The following INPPL1 variants were observed in gnomAD, a reference collection of about 807,000 sequenced individuals.
The protein encoded by INPPL1 is phosphatidylinositol 3,4,5-trisphosphate 5-phosphatase 2.
INPPL1 carries 91 observed loss-of-function variants against 139.3 expected under a neutral mutation model. That is an observed-to-expected ratio of 0.65 (90% CI 0.55 to 0.78). The LOEUF (loss-of-function observed/expected upper bound fraction) is 0.78, where lower values mean the gene tolerates loss of function less well. Among genes scored for constraint, INPPL1 ranks in the 30% least tolerant of loss-of-function variants. The pLI, the probability that INPPL1 is intolerant of heterozygous loss-of-function variation, is 0.00. For missense variants in INPPL1, 1,411 were observed against 1,665.6 expected (o/e 0.85, Z 2.66); for synonymous variants, 719 against 686.6 (o/e 1.05, Z -0.74).
At position 72,231,586 on chromosome 11, in the gene INPPL1, G is replaced by T; in HGVS notation, c.1586G>T (p.Ser529Ile). Residue 529 changes from serine to isoleucine, a missense_variant, in exon 13 of 28, where the codon AGT becomes ATT. By Grantham distance (142) the Ser-to-Ile change is moderately radical. Transcript: ENST00000298229. ...ENRISHVSTS[S>I]VKTGIANTLG... Reference sequence around the variant, plus strand: ...CGTATCAGCCATGTCAGTACGTCCAGTGTGAAGACTGGCATCGCCAACACC... The same window carrying T: ...CGTATCAGCCATGTCAGTACGTCCATTGTGAAGACTGGCATCGCCAACACC... The T allele has an allele frequency of 3.7e-6, 6 of 1,613,818 alleles. No individual in the cohort carries two copies. The highest frequency in any genetic ancestry group is 4.2e-6 in the Non-Finnish European group (5 of 1,179,966).
Position 72,229,942 on chromosome 11 carries a change from G to C in INPPL1, c.862G>C (p.Asp288His). The change falls in exon 8 of 28, where the codon GAC becomes CAC. Residue 288 changes from aspartate to histidine, a missense_variant. Physicochemically the swap from Asp to His is moderately conservative, Grantham distance 81. Around this residue, in one of 5 missense-constraint regions of INPPL1, gnomAD observed 504 missense variants for 595.6 expected, o/e 0.85. Transcript: ENST00000298229. ...IQKKALKALQ[D>H]MSSTAPPAPQ... ...CCTCCAGGCCCTGAAGGCCCTACAG[G>C]ACATGAGCTCCACAGCACCCCCAGC... 1.9e-6 allele frequency: 3 copies of C among 1,614,152 alleles called. No individual in the cohort carries two copies. The highest frequency in any genetic ancestry group is 2.5e-6 in the Non-Finnish European group (3 of 1,180,038).
rs1049902447 is a variant in INPPL1 at position 72,231,756 on chromosome 11, T to C, written c.1615+141T>C. On this transcript the variant is annotated intron_variant, in intron 13 of 27. Coordinates refer to ENST00000298229, the MANE Select transcript of INPPL1 (RefSeq NM_001567.4). ...GGTACTTTGAACTTTGAAAAACATATTCATATTCTAAATCTCTCCCAGCAC... is the reference window on the plus strand; with the variant it reads ...GGTACTTTGAACTTTGAAAAACATACTCATATTCTAAATCTCTCCCAGCAC... 16 of 673,540 alleles carry C rather than the reference T, an allele frequency of 2.4e-5. No homozygotes were observed. The East Asian group carries it at 3.6e-4, about 15-fold the overall frequency. 41.7% of individuals were successfully genotyped at this position (673,540 alleles called of 1,614,324 possible). A position where few individuals can be genotyped will look rare whatever the true frequency, so the allele number is the denominator to read the frequency against.
Position 72,225,010 on chromosome 11 carries a change from G to A in INPPL1, c.26G>A (p.Gly9Asp), listed in dbSNP as rs1239738293. The A allele has an allele frequency of 8.3e-7, 1 of 1,210,240 alleles. No homozygotes were observed. The highest frequency in any genetic ancestry group is 4.4e-5 in the Admixed American group (1 of 22,776). The allele number at this position is 1,210,240 out of a possible 1,614,324, so 75.0% of individuals were successfully genotyped here. A position where few individuals can be genotyped will look rare whatever the true frequency, so the allele number is the denominator to read the frequency against. Reference sequence around the variant, plus strand: ...ATGGCCTCGGCCTGCGGGGCGCCGGGCCCGGGGGGCGCCCTGGGCAGCCAG... The same window carrying A: ...ATGGCCTCGGCCTGCGGGGCGCCGGACCCGGGGGGCGCCCTGGGCAGCCAG... MASACGAP[G>D]PGGALGSQAP... The change falls in exon 1 of 28, where the codon GGC (glycine) becomes GAC (aspartate). Residue 9 changes from glycine to aspartate, a missense_variant. Around this residue, in one of 5 missense-constraint regions of INPPL1, gnomAD observed 504 missense variants for 595.6 expected, o/e 0.85. Transcript: ENST00000298229.
At chr11:72,231,655 C>G in intron 13 of INPPL1, 40 bp downstream of exon 13, 2 of 1,406,826 alleles carry the variant, frequency 1.4e-6, no homozygotes, top group Non-Finnish European at 2.0e-6. Context: ...GGCAGCGTCT[C>G]TCTGTCCATG....
chr11:72,226,354 T>C (rs1027697606), intron 1 of INPPL1, among the ~76,000 whole-genome samples: 2 of 152,084 alleles, frequency 1.3e-5, no homozygotes, highest in African/African-American at 4.8e-5. Context: ...CTAATTTTTG[T>C]ATTTTTAGTA....
Position 72,234,282 on chromosome 11 carries a change from G to T in INPPL1, c.2214G>T (p.Gly738=), listed in dbSNP as rs371183739. 1.4e-5 allele frequency: 22 copies of T among 1,610,772 alleles called. No individual in the cohort carries two copies. Among genetic ancestry groups the T allele is most frequent in the Non-Finnish European group, 1.9e-5 (22 of 1,177,280 alleles). ...TTGTTCTCCTCCCTTTCTCCTCAGG[G>T]CTCTCAAAGACTTCAGACCAGGCCT... ...GVTSQFISKK[G]LSKTSDQAYI... Residue 738 remains glycine, a splice_region_variant and synonymous_variant, in exon 20 of 28, where the codon GGG becomes GGT. Transcript: ENST00000298229. The surrounding 1 kb of genome is among the most constrained non-coding windows in gnomAD (Gnocchi z 4.2).
At position 72,235,964 on chromosome 11, in the gene INPPL1, C is replaced by T. The variant is rs755578014; in HGVS notation, c.2857C>T (p.Arg953Trp). Residue 953 changes from arginine to tryptophan, a missense_variant, in exon 25 of 28, where the codon CGG becomes TGG. Transcript: ENST00000298229. The surrounding 1 kb of genome is among the most constrained non-coding windows in gnomAD (Gnocchi z 4.9). ...RPPAPPRAAP[R>W]EEPLTPRLKP... ...CCCAGCCCCACCCCGAGCAGCTCCC[C>T]GGGAGGAGCCCTTGACCCCCAGGTG... 191 of 1,600,766 alleles carry T rather than the reference C, an allele frequency of 1.2e-4. No homozygotes were observed. Among genetic ancestry groups the T allele is most frequent in the African/African-American group, 2.8e-4 (21 of 74,314 alleles).
At chr11:72,230,716 G>A (rs1948808205) in intron 10 of INPPL1, 80 bp from the exon 11 acceptor site, 18 of 1,194,188 alleles carry the variant, frequency 1.5e-5, no homozygotes, top group Non-Finnish European at 2.0e-5. Flanking sequence ...TCATGGACAT[G>A]AGCCAACTGG....
rs1398865487 is a variant in INPPL1, at chr11:72,229,369, C to T, written c.660-96C>T. ...GCCTCTTGACTTTCCTCACTGGTAGCCTTTATCCTTGTGGTGAGGTTGAGG... is the reference window on the plus strand; with the variant it reads ...GCCTCTTGACTTTCCTCACTGGTAGTCTTTATCCTTGTGGTGAGGTTGAGG... On this transcript the variant is annotated intron_variant, in intron 5 of 27. Transcript: ENST00000298229. 7.0e-6 allele frequency: 10 copies of T among 1,420,666 alleles called. No homozygotes were observed. In the South Asian group the frequency reaches 1.1e-4, roughly 15 times the overall value. 88.0% of individuals were successfully genotyped at this position (1,420,666 alleles called of 1,614,324 possible).
chr11:72,228,634 C>T lies in INPPL1; in HGVS notation c.398-93C>T, dbSNP rs1948743129. ...CATGATGCCGGGGCCCTTTAACCCTCTTTCCATGGAAGTCACTTTACAGCT... is the reference window on the plus strand; with the variant it reads ...CATGATGCCGGGGCCCTTTAACCCTTTTTCCATGGAAGTCACTTTACAGCT... On this transcript the variant is annotated intron_variant, in intron 3 of 27. Coordinates refer to ENST00000298229, the MANE Select transcript of INPPL1 (RefSeq NM_001567.4). This position sits in a 1 kb window ranked among gnomAD's most constrained non-coding sequence, Gnocchi z 5.0. 9 of 1,549,792 alleles carry T rather than the reference C, an allele frequency of 5.8e-6. No homozygotes were observed. The highest frequency in any genetic ancestry group is 3.6e-5 in the South Asian group (3 of 84,482).
upstream of INPPL1, chr11:72,223,983 C>G (rs1354990147): frequency 6.6e-6 from 1 of 152,440 alleles, no homozygotes; most frequent in African/African-American, 2.4e-5. Flanking sequence ...GTGCGGCGGC[C>G]GGGATCCCGG....
rs2135425147 is a variant in INPPL1, at chr11:72,229,569, G to A, written c.753+11G>A. ...CTTTTGCAGCAGCAGGTAGATTGTAGGGAGACCTCTGGGAGGTGCGTTCGT... is the reference window on the plus strand; with the variant it reads ...CTTTTGCAGCAGCAGGTAGATTGTAAGGAGACCTCTGGGAGGTGCGTTCGT... On this transcript the variant is annotated intron_variant, in intron 6 of 27. Transcript: ENST00000298229. 6.2e-7 allele frequency: 1 copy of A among 1,613,876 alleles called. No individual in the cohort carries two copies. The highest frequency in any genetic ancestry group is 8.5e-7 in the Non-Finnish European group (1 of 1,179,798).
intron 17 of INPPL1, 61 bp from the exon 18 acceptor site, chr11:72,233,380 G>T: frequency 7.0e-7 from 1 of 1,428,152 alleles, no homozygotes; most frequent in East Asian, 2.3e-5. Flanking sequence ...TCTGGAGTGG[G>T]GTCCATGCCA....
rs1005901644 is a variant in INPPL1 at position 72,228,034 on chromosome 11, G to A, written c.183-156G>A. On this transcript the variant is annotated intron_variant, in intron 1 of 27. Transcript: ENST00000298229. The surrounding 1 kb of genome is among the most constrained non-coding windows in gnomAD (Gnocchi z 5.0). ...AACACCAGGAGGGTGGAAGTGGACCGGCCACATCATTAACCCTGTGCAGCC... is the reference window on the plus strand; with the variant it reads ...AACACCAGGAGGGTGGAAGTGGACCAGCCACATCATTAACCCTGTGCAGCC... The A allele has an allele frequency of 1.4e-5, 10 of 704,338 alleles. No individual in the cohort carries two copies. Among genetic ancestry groups the A allele is most frequent in the South Asian group, 6.6e-5 (4 of 60,184 alleles). The allele number at this position is 704,338 out of a possible 1,614,324, so 43.6% of individuals were successfully genotyped here.
Position 72,233,737 on chromosome 11 carries a change from C to A in INPPL1, c.2205C>A (p.Ser735=). 6.2e-7 allele frequency: 1 copy of A among 1,613,682 alleles called. No homozygotes were observed. The highest frequency in any genetic ancestry group is 1.1e-5 in the South Asian group (1 of 91,074). The change falls in exon 19 of 28, where the codon TCC becomes TCA. Residue 735 remains serine (S), a synonymous_variant. Transcript: ENST00000298229. The part of the protein sequence containing the change: ...FEVGVTSQFI[S]KKGLSKTSDQ... ...TTGGAGTTACCTCCCAGTTCATCTCCAAGAAAGGTGACTGTTCCAGATATG... is the reference window on the plus strand; with the variant it reads ...TTGGAGTTACCTCCCAGTTCATCTCAAAGAAAGGTGACTGTTCCAGATATG...
chr11:72,228,644 A>G lies in INPPL1; in HGVS notation c.398-83A>G, dbSNP rs1048473891. On this transcript the variant is annotated intron_variant, in intron 3 of 27. Transcript: ENST00000298229. The surrounding 1 kb of genome is among the most constrained non-coding windows in gnomAD (Gnocchi z 5.0). ...GGGCCCTTTAACCCTCTTTCCATGG[A>G]AGTCACTTTACAGCTGCATCGTGCC... 6.4e-7 allele frequency: 1 copy of G among 1,553,682 alleles called. No homozygotes were observed. The highest frequency in any genetic ancestry group is 8.7e-7 in the Non-Finnish European group (1 of 1,146,698).
chr11:72,225,401 G>A, intron 1 of INPPL1: 1 of 985,474 alleles, frequency 1.0e-6, no homozygotes, highest in Non-Finnish European at 1.2e-6. Context: ...ATGGGGTTCT[G>A]TGGCCCAGTG....
chr11:72,232,965 C>T lies in INPPL1; in HGVS notation c.1942C>T (p.Leu648Phe). The T allele has an allele frequency of 6.2e-7, 1 of 1,614,006 alleles. No homozygotes were observed. The change falls in exon 16 of 28, where the codon CTT becomes TTT. Residue 648 changes from leucine to phenylalanine, a missense_variant. By Grantham distance (22) the Leu-to-Phe change is conservative. This residue lies in a region of INPPL1 where 363 missense variants were observed against 446.2 expected (regional missense o/e 0.81). Transcript: ENST00000298229. The part of the protein sequence containing the change: ...NLEREKHKVF[L>F]RFSEEEISFP... The stretch of plus-strand genomic sequence containing the variant: ...GGAGCGGGAGAAGCACAAGGTCTTC[C>T]TTCGATTCAGTGAGTGTGGGCCTGG...
Position 72,225,030 on chromosome 11 carries a change from A to T in INPPL1, c.46A>T (p.Ser16Cys), listed in dbSNP as rs1043135660. 2 of 1,223,688 alleles carry T rather than the reference A, an allele frequency of 1.6e-6. No homozygotes were observed. The highest frequency in any genetic ancestry group is 3.1e-5 in the African/African-American group (2 of 63,722). 75.8% of individuals were successfully genotyped at this position (1,223,688 alleles called of 1,614,324 possible). Residue 16 changes from serine to cysteine, a missense_variant, in exon 1 of 28, where the codon AGC becomes TGC. Around this residue, in one of 5 missense-constraint regions of INPPL1, gnomAD observed 504 missense variants for 595.6 expected, o/e 0.85. Coordinates refer to ENST00000298229, the MANE Select transcript of INPPL1 (RefSeq NM_001567.4). ...GCCGGGCCCGGGGGGCGCCCTGGGC[A>T]GCCAGGCCCCCTCCTGGTACCACCG... ...GAPGPGGALGSQAPSWYHRDL... is the reference protein window; with the variant it reads ...GAPGPGGALGCQAPSWYHRDL...
Sources: gnomAD v4.1 joint callset for allele counts (sites outside exome capture counted in the v4.1 genomes callset) on GRCh38, gnomAD v4.1.1 for gene constraint, gnomAD v4.1.1 regional missense constraint, Gnocchi (gnomAD v3.1) non-coding constraint, MANE v1.5 for transcripts, NCBI Gene and HGNC (gene_info 2026-07-23, HGNC 2026-07-21) for gene names.